The following DGKB variants were observed in gnomAD, a reference collection of about 807,000 sequenced individuals.
The protein encoded by DGKB is diacylglycerol kinase beta, also known as 90 kDa diacylglycerol kinase.
In DGKB, 67 loss-of-function variants were observed where a neutral mutation model predicts 114.3. That is an observed-to-expected ratio of 0.59 (90% CI 0.48 to 0.72). DGKB has a LOEUF of 0.72. Ranked by LOEUF, DGKB falls within the 30% of genes least tolerant of loss-of-function variation. The pLI, the probability that DGKB is intolerant of heterozygous loss-of-function variation, is 0.00. For synonymous variants in DGKB, 398 were observed against 323.1 expected (o/e 1.23, Z -2.49); for missense variants, 907 against 975.2 (o/e 0.93, Z 0.93).
chr7:14,765,491 C>T (rs1836317246), intron 2 of DGKB, among the ~76,000 whole-genome samples: 1 of 151,912 alleles, frequency 6.6e-6, no homozygotes, highest in African/African-American at 2.4e-5. Context: ...TCCTCTTAAA[C>T]ATCAGTTTTT....
chr7:14,517,295 C>A (rs989076789), intron 20 of DGKB, among the ~76,000 whole-genome samples: 2 of 151,952 alleles, frequency 1.3e-5, no homozygotes, highest in Non-Finnish European at 2.9e-5. Flanking sequence ...ATACCACATA[C>A]AAAAATCAAC....
intron 21 of DGKB, among the ~76,000 whole-genome samples, chr7:14,434,780 A>G (rs1828992748): frequency 6.6e-6 from 1 of 152,186 alleles, no homozygotes; most frequent in African/African-American, 2.4e-5. Flanking sequence ...GGCCGTGTCT[A>G]GCGACCAAAG....
chr7:14,653,427 T>G (rs1472778860), intron 13 of DGKB, among the ~76,000 whole-genome samples: 1 of 152,156 alleles, frequency 6.6e-6, no homozygotes, highest in African/African-American at 2.4e-5. Context: ...ACACCGCATA[T>G]TCTCACTCAT....
At chr7:14,564,009 G>T (rs1797043580) in intron 20 of DGKB, among the ~76,000 whole-genome samples, 1 of 152,160 alleles carries the variant, frequency 6.6e-6, no homozygotes, top group African/African-American at 2.4e-5. Flanking sequence ...AGAGTTTCAA[G>T]ACTGGTAAGA....
chr7:14,249,778 A>G (rs1456634936), intron 23 of DGKB, among the ~76,000 whole-genome samples: 1 of 152,074 alleles, frequency 6.6e-6, no homozygotes. Flanking sequence ...CCAAAACACC[A>G]ACTCATAATT....
At chr7:14,473,784 G>C (rs902824406) in intron 21 of DGKB, among the ~76,000 whole-genome samples, 2 of 152,174 alleles carry the variant, frequency 1.3e-5, no homozygotes, top group African/African-American at 4.8e-5. Context: ...GATCATTTTG[G>C]GGCTTTAAGA....
chr7:14,640,747 A>G (rs1811619508), intron 13 of DGKB, among the ~76,000 whole-genome samples: 1 of 152,192 alleles, frequency 6.6e-6, no homozygotes, highest in African/African-American at 2.4e-5. Flanking sequence ...AAAAGTTGAG[A>G]ATAAACAAGC....
intron 7 of DGKB, 33 bp from the exon 8 acceptor site, chr7:14,698,202 A>G: frequency 7.6e-7 from 1 of 1,319,824 alleles, no homozygotes; most frequent in Non-Finnish European, 1.0e-6. Context: ...AAATATGAAT[A>G]CAAGATCTTA....
At chr7:14,408,580 G>C (rs1254537300) in intron 21 of DGKB, among the ~76,000 whole-genome samples, 1 of 152,008 alleles carries the variant, frequency 6.6e-6, no homozygotes, top group East Asian at 1.9e-4. Context: ...CAAATACATA[G>C]AACAATTGCC....
chr7:14,664,789 T>C (rs4236282), intron 13 of DGKB, among the ~76,000 whole-genome samples: 7 of 151,788 alleles, frequency 4.6e-5, no homozygotes, highest in African/African-American at 1.7e-4. Context: ...CCTCTTTGGA[T>C]GCTTCATCTA....
intron 6 of DGKB, among the ~76,000 whole-genome samples, chr7:14,717,518 T>C (rs573042592): frequency 2.4e-4 from 37 of 152,288 alleles, no homozygotes; most frequent in African/African-American, 8.7e-4. Context: ...ATGATATTCA[T>C]ATGGTTTATT....
At chr7:14,247,199 G>T (rs949066626) in intron 23 of DGKB, among the ~76,000 whole-genome samples, 2 of 152,050 alleles carry the variant, frequency 1.3e-5, no homozygotes, top group Admixed American at 1.3e-4. Context: ...ATATTCCACT[G>T]TGTGTGTATA....
upstream of DGKB, among the ~76,000 whole-genome samples, chr7:14,906,399 A>G (rs906039918): frequency 6.6e-6 from 1 of 151,684 alleles, no homozygotes; most frequent in African/African-American, 2.4e-5. Flanking sequence ...GTGAAGTATC[A>G]GAAGTTATTG....
At chr7:14,775,091 G>C (rs933491140) in intron 2 of DGKB, among the ~76,000 whole-genome samples, 1 of 151,890 alleles carries the variant, frequency 6.6e-6, no homozygotes, top group African/African-American at 2.4e-5. Context: ...AGAATATTTT[G>C]AATTCGTGAG....
At chr7:14,763,989 G>A (rs1836089214) in intron 2 of DGKB, among the ~76,000 whole-genome samples, 1 of 151,654 alleles carries the variant, frequency 6.6e-6, no homozygotes, top group African/African-American at 2.4e-5. Context: ...TCATCTTTCG[G>A]GTCTCTCAAT....
At chr7:14,218,446 A>T (rs1373421555) in intron 23 of DGKB, among the ~76,000 whole-genome samples, 1 of 152,138 alleles carries the variant, frequency 6.6e-6, no homozygotes, top group South Asian at 2.1e-4. Flanking sequence ...ACTAGTGAAA[A>T]CCACAATGAT....
intron 20 of DGKB, among the ~76,000 whole-genome samples, chr7:14,545,135 C>A (rs1048642776): frequency 6.6e-6 from 1 of 151,786 alleles, no homozygotes; most frequent in Non-Finnish European, 1.5e-5. Context: ...TTTTTCTACT[C>A]ATTTCTATGC....
chr7:14,903,246 T>TGTG (rs1231510843), upstream of DGKB: 1 of 154,284 alleles, frequency 6.5e-6, no homozygotes, highest in African/African-American at 2.4e-5. Context: ...TGTGTGTGTG[T>TGTG]GTGTGTGTTG....
chr7:14,572,046 A>C (rs1798460183), intron 20 of DGKB, among the ~76,000 whole-genome samples: 1 of 152,206 alleles, frequency 6.6e-6, no homozygotes, highest in African/African-American at 2.4e-5. Flanking sequence ...TTAGGGAAAT[A>C]ACAAGCAAAC....
Sources: gnomAD v4.1 joint callset for allele counts (sites outside exome capture counted in the v4.1 genomes callset) on GRCh38, gnomAD v4.1.1 for gene constraint, MANE v1.5 for transcripts, NCBI Gene and HGNC (gene_info 2026-07-23, HGNC 2026-07-21) for gene names.